AFG1L: variants seen among roughly 807,000 people sequenced by gnomAD.
The protein encoded by AFG1L is AFG1 like ATPase.
A neutral mutation model predicts 62.2 loss-of-function variants in AFG1L; 53 were observed. The ratio of observed to expected loss-of-function variants is 0.85; its 90% confidence interval spans 0.68 to 1.07. AFG1L has a LOEUF of 1.07. Among genes scored for constraint, AFG1L ranks in the 50% least tolerant of loss-of-function variants. The pLI is 0.00. For missense variants in AFG1L, 555 were observed against 590.5 expected, an observed-to-expected ratio of 0.94 and a Z score of 0.62; for synonymous variants, 228 against 210.3, an observed-to-expected ratio of 1.08 and a Z score of -0.73.
chr6:108,407,692 TA>T (rs35463163), intron 7 of AFG1L, among the ~76,000 whole-genome samples: 96,146 of 146,514 alleles, frequency 0.66, 32,827 homozygotes, highest in African/African-American at 0.9. Context: ...CTCTGGAAAT[TA>T]AAAAAAAAAA....
At chr6:108,517,567 C>CA (rs1241010037) in intron 11 of AFG1L, among the ~76,000 whole-genome samples, 8 of 152,138 alleles carry the variant, frequency 5.3e-5, no homozygotes, top group Non-Finnish European at 1.0e-4. Flanking sequence ...AAAACCTAGG[C>CA]AATACCATTC....
chr6:108,341,274 T>C (rs1466016477), intron 2 of AFG1L, among the ~76,000 whole-genome samples: 2 of 152,258 alleles, frequency 1.3e-5, no homozygotes, highest in Admixed American at 6.5e-5. Flanking sequence ...TTTGAAATTA[T>C]GCTGCTAGTT....
chr6:108,488,095 A>G (rs922629354), intron 10 of AFG1L, among the ~76,000 whole-genome samples: 1 of 152,210 alleles, frequency 6.6e-6, no homozygotes, highest in Non-Finnish European at 1.5e-5. Flanking sequence ...TTGGTTAAAT[A>G]AACTAACATG....
Position 108,411,569 on chromosome 6 carries a change from G to C in AFG1L, c.807+9515G>C, listed in dbSNP as rs571557579. ...CTCTGAGACGAAGCTTCCAGAGGAAGGATCAGGCAGCAACATTTTCCGTTC... is the reference window on the plus strand; with the variant it reads ...CTCTGAGACGAAGCTTCCAGAGGAACGATCAGGCAGCAACATTTTCCGTTC... On this transcript the variant is annotated intron_variant, in intron 7 of 12. Transcript: ENST00000368977. Among the ~76,000 whole-genome samples the C allele has an allele frequency of 2.8e-4, 43 of 152,300 alleles. 1 individual carries two copies. In the South Asian group the frequency reaches 8.9e-3, roughly 32 times the overall value.
intron 5 of AFG1L, among the ~76,000 whole-genome samples, chr6:108,360,874 A>C (rs1448861201): frequency 6.6e-6 from 1 of 152,180 alleles, no homozygotes; most frequent in Non-Finnish European, 1.5e-5. Context: ...CTGCACCAGC[A>C]CTCTGATCCC....
chr6:108,367,638 G>C (rs1275905745), intron 6 of AFG1L, among the ~76,000 whole-genome samples: 1 of 152,162 alleles, frequency 6.6e-6, no homozygotes, highest in African/African-American at 2.4e-5. Context: ...TGGTTAGGGA[G>C]GTGGAGGTAG....
chr6:108,305,616 A>G (rs1369431747), intron 1 of AFG1L, among the ~76,000 whole-genome samples: 2 of 152,082 alleles, frequency 1.3e-5, no homozygotes, highest in Non-Finnish European at 2.9e-5. Context: ...AGTGGGAGGT[A>G]GAGACAGGGT....
At chr6:108,394,646 T>C (rs1348580334) in intron 6 of AFG1L, among the ~76,000 whole-genome samples, 1 of 152,236 alleles carries the variant, frequency 6.6e-6, no homozygotes, top group African/African-American at 2.4e-5. Flanking sequence ...TTTTGCTATG[T>C]GTATGATAGT....
intron 3 of AFG1L, among the ~76,000 whole-genome samples, chr6:108,349,803 G>T (rs1253414098): frequency 6.6e-6 from 1 of 151,564 alleles, no homozygotes; most frequent in Non-Finnish European, 1.5e-5. Context: ...TGTGGTTCCA[G>T]CTACTCAGTA....
chr6:108,510,104 C>T, intron 10 of AFG1L, 108 bp from the exon 11 acceptor site: 1 of 765,556 alleles, frequency 1.3e-6, no homozygotes, highest in Non-Finnish European at 2.0e-6. Context: ...CCACAGCTAC[C>T]ACCTAGATCA....
chr6:108,367,017 G>A (rs1455125832), intron 6 of AFG1L, among the ~76,000 whole-genome samples: 1 of 152,124 alleles, frequency 6.6e-6, no homozygotes, highest in Non-Finnish European at 1.5e-5. Context: ...TGCCAGTGAA[G>A]CCTAGACTTG....
intron 7 of AFG1L, among the ~76,000 whole-genome samples, chr6:108,420,369 T>A (rs1479160398): frequency 6.7e-6 from 1 of 149,210 alleles, no homozygotes; most frequent in Non-Finnish European, 1.5e-5. Flanking sequence ...TTATTAAATT[T>A]ATTTAATTTA....
intron 2 of AFG1L, among the ~76,000 whole-genome samples, chr6:108,344,469 C>T (rs1286990257): frequency 6.6e-6 from 1 of 152,078 alleles, no homozygotes; most frequent in African/African-American, 2.4e-5. Context: ...TCCACCTGCC[C>T]CAGCTACTCA....
At chr6:108,442,046 A>G (rs528911055) in intron 7 of AFG1L, among the ~76,000 whole-genome samples, 1 of 152,306 alleles carries the variant, frequency 6.6e-6, no homozygotes, top group Non-Finnish European at 1.5e-5. Context: ...ATATATTTAT[A>G]TGACTGTATT....
chr6:108,378,613 C>T (rs1286382050), intron 6 of AFG1L, among the ~76,000 whole-genome samples: 1 of 152,130 alleles, frequency 6.6e-6, no homozygotes, highest in Non-Finnish European at 1.5e-5. Flanking sequence ...GCCACCACAC[C>T]CGGCCTATGC....
Position 108,399,511 on chromosome 6 carries a change from T to C in AFG1L, c.749-2485T>C, listed in dbSNP as rs533445234. ...ATCTTTCACTTCTTTGGTTAATTCC[T>C]AGGTATTTGATTTTATTTGTGACTG... On this transcript the variant is annotated intron_variant, in intron 6 of 12. Coordinates refer to ENST00000368977, the MANE Select transcript of AFG1L (RefSeq NM_145315.5). 3.5e-4 allele frequency among the ~76,000 whole-genome samples: 53 copies of C among 152,012 alleles called. 1 individual carries two copies. The South Asian group carries it at 0.01, about 29-fold the overall frequency.
chr6:108,485,029 C>T (rs1334244607), intron 10 of AFG1L, among the ~76,000 whole-genome samples: 4 of 152,154 alleles, frequency 2.6e-5, no homozygotes, highest in Middle Eastern at 3.4e-3. Context: ...TAATTGTGAA[C>T]GTTTCCATGA....
At chr6:108,342,263 T>C (rs1347895746) in intron 2 of AFG1L, among the ~76,000 whole-genome samples, 2 of 152,050 alleles carry the variant, frequency 1.3e-5, no homozygotes, top group East Asian at 1.9e-4. Context: ...GGGCAGTCGC[T>C]TGGGGTACAG....
intron 7 of AFG1L, among the ~76,000 whole-genome samples, chr6:108,433,948 C>G (rs1410507961): frequency 6.6e-6 from 1 of 152,154 alleles, no homozygotes; most frequent in Non-Finnish European, 1.5e-5. Flanking sequence ...GAGACTATTT[C>G]TTTTAAAGGG....
Sources: allele counts gnomAD v4.1 joint callset (sites outside exome capture counted in the v4.1 genomes callset), GRCh38; gene constraint gnomAD v4.1.1; transcripts MANE v1.5; gene names NCBI Gene and HGNC (gene_info 2026-07-23, HGNC 2026-07-21).